Variants in GPRIN3 observed in about 807,000 individuals in gnomAD.
The protein encoded by GPRIN3 is G protein-regulated inducer of neurite outgrowth 3.
In GPRIN3, 12 loss-of-function variants were observed where a neutral mutation model predicts 13.7. The observed-to-expected ratio is 0.87, with a 90% CI of 0.56 to 1.42. The LOEUF is 1.42. GPRIN3 is among the 40% of genes most tolerant of loss of function. The pLI is 0.00. For missense variants in GPRIN3, 1,009 were observed against 958.7 expected (o/e 1.05, Z -0.69); for synonymous variants, 377 against 372.7 (o/e 1.01, Z -0.13).
chr4:89,285,884 C>T (rs1049627532), intron 1 of GPRIN3, among the ~76,000 whole-genome samples: 1 of 152,130 alleles, frequency 6.6e-6, no homozygotes, highest in Admixed American at 6.5e-5. Context: ...TCTGCTACTC[C>T]AACTGCTTAA....
intron 1 of GPRIN3, among the ~76,000 whole-genome samples, chr4:89,298,084 T>C (rs1159921356): frequency 1.3e-5 from 2 of 152,098 alleles, no homozygotes; most frequent in East Asian, 1.9e-4. Flanking sequence ...TTTTCTTAAA[T>C]AGGAAAAAAA....
chr4:89,287,763 T>C (rs1724462394), intron 1 of GPRIN3, among the ~76,000 whole-genome samples: 1 of 152,178 alleles, frequency 6.6e-6, no homozygotes, highest in Non-Finnish European at 1.5e-5. Context: ...ATGACTCCAC[T>C]AAATAAAATG....
intron 1 of GPRIN3, among the ~76,000 whole-genome samples, chr4:89,303,095 T>C (rs17832211): frequency 0.027 from 4,044 of 152,088 alleles, 77 homozygotes; most frequent in Admixed American, 0.048. Flanking sequence ...TCTAACTTTG[T>C]CTCTTCAGAA....
intron 1 of GPRIN3, among the ~76,000 whole-genome samples, chr4:89,291,458 T>C (rs1293855130): frequency 1.3e-5 from 2 of 152,224 alleles, no homozygotes; most frequent in African/African-American, 2.4e-5. Flanking sequence ...CTTCTTTAAT[T>C]AGCATAATGT....
At chr4:89,265,653 C>G (rs1454463610) in intron 1 of GPRIN3, among the ~76,000 whole-genome samples, 1 of 152,072 alleles carries the variant, frequency 6.6e-6, no homozygotes, top group African/African-American at 2.4e-5. Flanking sequence ...AATATTGTTT[C>G]CCTTCCAAAA....
At position 89,247,555 on chromosome 4, in the gene GPRIN3, A is replaced by G. The variant is rs1446079939; in HGVS notation, c.*225T>C. The G allele has an allele frequency of 4.6e-5, 22 of 476,774 alleles. No individual in the cohort carries two copies. Among genetic ancestry groups the G allele is most frequent in the Middle Eastern group, 1.1e-3 (2 of 1,848 alleles). The allele number at this position is 476,774 out of a possible 1,614,324, so 29.5% of individuals were successfully genotyped here. A position where few individuals can be genotyped will look rare whatever the true frequency, so the allele number is the denominator to read the frequency against. ...CAATTTGTTAAGGTTGCAAACCTTC[A>G]GTGAAGCTTGTTTCTCTTTTCTTGT... On this transcript the variant is annotated 3_prime_UTR_variant, in exon 2 of 2. Transcript: ENST00000609438.
chr4:89,283,560 CAG>C (rs1178056951), intron 1 of GPRIN3, among the ~76,000 whole-genome samples: 1 of 152,052 alleles, frequency 6.6e-6, no homozygotes, highest in African/African-American at 2.4e-5. Context: ...GTGGGGGAGG[CAG>C]AAACATAAAG....
intron 1 of GPRIN3, among the ~76,000 whole-genome samples, chr4:89,274,993 G>A (rs185813429): frequency 2.6e-5 from 4 of 152,318 alleles, no homozygotes; most frequent in African/African-American, 2.4e-5. Flanking sequence ...AGGAGGCTTG[G>A]ATGGCTGGTG....
Position 89,242,646 on chromosome 4 carries a change from T to G in GPRIN3, c.*5134A>C, listed in dbSNP as rs993197826. 2.0e-5 allele frequency: 3 copies of G among 152,198 alleles called. No homozygotes were observed. The highest frequency in any genetic ancestry group is 1.3e-4 in the Admixed American group (2 of 15,272). The allele number at this position is 152,198 out of a possible 1,614,324, so 9.4% of individuals were successfully genotyped here. On this transcript the variant is annotated 3_prime_UTR_variant, in exon 2 of 2. Coordinates refer to ENST00000609438, the MANE Select transcript of GPRIN3 (RefSeq NM_198281.3). ...ATTTTATCCTGTGGGTTACAGTCAG[T>G]CTTCATAAAGCAAACCATCATTATA...
intron 1 of GPRIN3, among the ~76,000 whole-genome samples, chr4:89,306,735 A>C (rs975401362): frequency 4.6e-5 from 7 of 152,032 alleles, no homozygotes; most frequent in Non-Finnish European, 7.4e-5. Flanking sequence ...CATCGTCTTA[A>C]CCTTGAACTG....
chr4:89,258,837 G>A (rs1723552234), intron 1 of GPRIN3, among the ~76,000 whole-genome samples: 1 of 152,174 alleles, frequency 6.6e-6, no homozygotes, highest in South Asian at 2.1e-4. Context: ...CCTTTCCACG[G>A]CTGCACATTA....
intron 1 of GPRIN3, among the ~76,000 whole-genome samples, chr4:89,268,861 TC>T (rs1561203330): frequency 6.6e-6 from 1 of 152,068 alleles, no homozygotes; most frequent in African/African-American, 2.4e-5. Flanking sequence ...TCGGCACTTT[TC>T]CCCCAGAAAG....
intron 1 of GPRIN3, among the ~76,000 whole-genome samples, chr4:89,265,116 C>T (rs1366114215): frequency 6.6e-6 from 1 of 152,108 alleles, no homozygotes; most frequent in African/African-American, 2.4e-5. Flanking sequence ...TCTCTAAGGA[C>T]ATATATAGGT....
At chr4:89,294,313 A>T (rs1724671852) in intron 1 of GPRIN3, among the ~76,000 whole-genome samples, 1 of 152,182 alleles carries the variant, frequency 6.6e-6, no homozygotes, top group Non-Finnish European at 1.5e-5. Context: ...TTGGGAGGCA[A>T]AGGTGGGAGA....
chr4:89,252,650 A>G (rs1482576531), intron 1 of GPRIN3, among the ~76,000 whole-genome samples: 1 of 152,220 alleles, frequency 6.6e-6, no homozygotes, highest in Non-Finnish European at 1.5e-5. Flanking sequence ...ACTATCACAT[A>G]AGATCTAACA....
intron 1 of GPRIN3, among the ~76,000 whole-genome samples, chr4:89,270,086 C>G (rs1414221956): frequency 6.6e-6 from 1 of 151,892 alleles, no homozygotes; most frequent in Non-Finnish European, 1.5e-5. Flanking sequence ...GTTACCAAAA[C>G]AGAATACATG....
intron 1 of GPRIN3, among the ~76,000 whole-genome samples, chr4:89,301,070 C>T (rs1285160597): frequency 1.3e-5 from 2 of 151,994 alleles, no homozygotes; most frequent in African/African-American, 4.8e-5. Context: ...AAATTAGAAA[C>T]AGGTCTTAAG....
chr4:89,284,781 C>A (rs1724354722), intron 1 of GPRIN3, among the ~76,000 whole-genome samples: 1 of 152,138 alleles, frequency 6.6e-6, no homozygotes, highest in Admixed American at 6.5e-5. Flanking sequence ...TTTCAAGCTG[C>A]CTTAATTATT....
At chr4:89,252,959 T>A (rs1286524435) in intron 1 of GPRIN3, among the ~76,000 whole-genome samples, 5 of 151,956 alleles carry the variant, frequency 3.3e-5, no homozygotes, top group Non-Finnish European at 7.4e-5. Context: ...AAATCCCATT[T>A]TTTTTCTGAA....
Sources: allele counts gnomAD v4.1 joint callset (sites outside exome capture counted in the v4.1 genomes callset), GRCh38; gene constraint gnomAD v4.1.1; transcripts MANE v1.5; gene names NCBI Gene and HGNC (gene_info 2026-07-23, HGNC 2026-07-21).